MX2: variants seen among roughly 807,000 people sequenced by gnomAD.
MX2 encodes MX dynamin like GTPase 2, also known as interferon-induced GTP-binding protein Mx2.
A neutral mutation model predicts 74.0 loss-of-function variants in MX2; 51 were observed. The ratio of observed to expected loss-of-function variants is 0.69; its 90% confidence interval spans 0.55 to 0.87. MX2 has a LOEUF of 0.87. Ranked by LOEUF, MX2 falls within the 40% of genes least tolerant of loss-of-function variation. The pLI, the probability that MX2 is intolerant of heterozygous loss-of-function variation, is 0.00. For synonymous variants in MX2, 369 were observed against 339.3 expected (o/e 1.09, Z -0.96); for missense variants, 832 against 908.7 (o/e 0.92, Z 1.09).
intron 1 of MX2, among the ~76,000 whole-genome samples, chr21:41,375,567 G>A (rs886397978): frequency 2.0e-5 from 3 of 152,214 alleles, no homozygotes; most frequent in South Asian, 4.1e-4. Context: ...CTGCAGCACT[G>A]CAGTCTCTGC....
In MX2 at chr21:41,402,117, A is replaced by G. The variant is rs757891342; in HGVS notation, c.1562A>G (p.Gln521Arg). ...GTGGAGCCCGCCCTTAGCATGCTCC[A>G]GAAAGCCATGGGTGAGGACTTTCAA... The part of the protein sequence containing the change: ...QLVEPALSML[Q>R]KAMEIIQQAF... Residue 521 changes from glutamine (Q) to arginine (R), a missense_variant, in exon 11 of 14, where the codon CAG (glutamine) becomes CGG (arginine). Coordinates refer to ENST00000330714, the MANE Select transcript of MX2 (RefSeq NM_002463.2). The surrounding 1 kb of genome is among the most constrained non-coding windows in gnomAD (Gnocchi z 4.5). 1 of 1,613,510 alleles carries G rather than the reference A, an allele frequency of 6.2e-7. No individual in the cohort carries two copies. The highest frequency in any genetic ancestry group is 8.5e-7 in the Non-Finnish European group (1 of 1,179,792).
intron 1 of MX2, among the ~76,000 whole-genome samples, chr21:41,369,896 G>C (rs1265914636): frequency 7.0e-6 from 1 of 142,512 alleles, no homozygotes; most frequent in Non-Finnish European, 1.5e-5. Context: ...AGTCCCATCA[G>C]CAAAGTCGGG....
At chr21:41,377,218 A>AT in intron 2 of MX2, 63 bp downstream of exon 2, 1 of 1,590,254 alleles carries the variant, frequency 6.3e-7, no homozygotes. Flanking sequence ...GAGGGCTGTC[A>AT]TGTAAGCCCA....
intron 3 of MX2, among the ~76,000 whole-genome samples, chr21:41,378,806 C>CG (rs2089449126): frequency 4.6e-5 from 7 of 152,118 alleles, no homozygotes; most frequent in African/African-American, 1.2e-4. Flanking sequence ...TTCCAGAACC[C>CG]AAGAAGGAGC....
rs2089481889 is a variant in MX2 at position 41,380,937 on chromosome 21, G to T, written c.577+786G>T. Among the ~76,000 whole-genome samples the T allele has an allele frequency of 6.6e-6, 1 of 152,142 alleles. No homozygotes were observed. The highest frequency in any genetic ancestry group is 2.4e-5 in the African/African-American group (1 of 41,438). On this transcript the variant is annotated intron_variant, in intron 4 of 13. Coordinates refer to ENST00000330714, the MANE Select transcript of MX2 (RefSeq NM_002463.2). This position sits in a 1 kb window ranked among gnomAD's most constrained non-coding sequence, Gnocchi z 4.3. ...GATAGATGGAAAAACAATCCTGAAT[G>T]TACTAAGACTCCCTGCAGGGAGGAA...
rs200532501 is a variant in MX2, at chr21:41,406,854, T to G, written c.1761T>G (p.Val587=). 4.7e-4 allele frequency: 761 copies of G among 1,614,242 alleles called. 10 individuals are homozygous for G. The South Asian group carries it at 8.0e-3, about 17-fold the overall frequency. ...TTTGTCAAGATCAGATTTACAGTGT[T>G]GTTCTGAAGAAAGTCCGAGAAGAGA... ...MVFCQDQIYS[V]VLKKVREEIF... Residue 587 remains valine, a synonymous_variant, in exon 13 of 14, where the codon GTT becomes GTG. Coordinates refer to ENST00000330714, the MANE Select transcript of MX2 (RefSeq NM_002463.2).
intron 1 of MX2, among the ~76,000 whole-genome samples, chr21:41,375,140 C>T (rs2089383132): frequency 6.6e-6 from 1 of 152,220 alleles, no homozygotes; most frequent in African/African-American, 2.4e-5. Flanking sequence ...CTCCAGTGGG[C>T]ACCCAAGTTA....
chr21:41,395,519 C>T, intron 6 of MX2, 68 bp from the exon 7 acceptor site: 9 of 1,485,402 alleles, frequency 6.1e-6, no homozygotes, highest in Non-Finnish European at 7.5e-6. Flanking sequence ...GCCCATAGTC[C>T]AGTAGGAGTC....
At chr21:41,371,891 C>T (rs1448419795) in intron 1 of MX2, among the ~76,000 whole-genome samples, 1 of 152,100 alleles carries the variant, frequency 6.6e-6, no homozygotes, top group African/African-American at 2.4e-5. Flanking sequence ...GACCGCACGG[C>T]CAATAAAGCT....
chr21:41,386,237 A>C (rs563337560), intron 5 of MX2, among the ~76,000 whole-genome samples: 12,610 of 143,636 alleles, frequency 0.088, 586 homozygotes, highest in South Asian at 0.19. Flanking sequence ...AAAAAAAAAA[A>C]AAAAAAAAAA....
intron 6 of MX2, among the ~76,000 whole-genome samples, chr21:41,392,876 G>A (rs1405447594): frequency 3.3e-5 from 5 of 152,114 alleles, no homozygotes; most frequent in Admixed American, 2.0e-4. Context: ...GGGCCAAGGC[G>A]GGCGGATCAC....
chr21:41,379,871 A>G (rs2145890749), intron 3 of MX2, 146 bp from the exon 4 acceptor site: 2 of 1,008,528 alleles, frequency 2.0e-6, no homozygotes, highest in Non-Finnish European at 2.9e-6. Flanking sequence ...CTCAGTCCAG[A>G]CCCCCTCACC....
At chr21:41,374,549 G>A (rs2089373028) in intron 1 of MX2, among the ~76,000 whole-genome samples, 1 of 152,258 alleles carries the variant, frequency 6.6e-6, no homozygotes, top group Non-Finnish European at 1.5e-5. Context: ...CGAGCCACAT[G>A]GAAGCATGTC....
rs1231810764 is a variant in MX2, at chr21:41,382,439, G to A, written c.607G>A (p.Gly203Ser). ...AQNVMAGNGR[G>S]ISHELISLEI... Reference sequence around the variant, plus strand: ...GAACGTCATGGCCGGGAATGGCCGGGGCATCAGCCATGAGCTCATCAGCCT... The same window carrying A: ...GAACGTCATGGCCGGGAATGGCCGGAGCATCAGCCATGAGCTCATCAGCCT... Residue 203 changes from glycine to serine, a missense_variant, in exon 5 of 14, where the codon GGC becomes AGC. Coordinates refer to ENST00000330714, the MANE Select transcript of MX2 (RefSeq NM_002463.2). The A allele has an allele frequency of 6.2e-7, 1 of 1,614,096 alleles. No individual in the cohort carries two copies. The highest frequency in any genetic ancestry group is 1.3e-5 in the African/African-American group (1 of 74,992).
Position 41,380,405 on chromosome 21 carries a change from G to C in MX2, c.577+254G>C, listed in dbSNP as rs1026127907. Among the ~76,000 whole-genome samples the C allele has an allele frequency of 1.6e-4, 24 of 152,104 alleles. No homozygotes were observed. The highest frequency in any genetic ancestry group is 9.2e-4 in the Admixed American group (14 of 15,270). On this transcript the variant is annotated intron_variant, in intron 4 of 13. Coordinates refer to ENST00000330714, the MANE Select transcript of MX2 (RefSeq NM_002463.2). This position sits in a 1 kb window ranked among gnomAD's most constrained non-coding sequence, Gnocchi z 4.3. ...TTAGCAGCCTGCAGCCCACGTGGCTGGCCTTACCTGTCCTCTCCCGCTCCC... is the reference window on the plus strand; with the variant it reads ...TTAGCAGCCTGCAGCCCACGTGGCTCGCCTTACCTGTCCTCTCCCGCTCCC...
intron 6 of MX2, among the ~76,000 whole-genome samples, chr21:41,393,569 C>T (rs1392411839): frequency 6.6e-6 from 1 of 152,086 alleles, no homozygotes; most frequent in East Asian, 1.9e-4. Flanking sequence ...AGCTGGAAGT[C>T]ACATTCTTAG....
intron 12 of MX2, among the ~76,000 whole-genome samples, chr21:41,405,079 C>A (rs145603408): frequency 6.6e-6 from 1 of 151,696 alleles, no homozygotes; most frequent in Non-Finnish European, 1.5e-5. Flanking sequence ...GAGGCCGAGG[C>A]GGGCAGATCC....
At chr21:41,399,400 C>A in intron 10 of MX2, 63 bp downstream of exon 10, 1 of 1,531,534 alleles carries the variant, frequency 6.5e-7, no homozygotes, top group Non-Finnish European at 8.9e-7. Flanking sequence ...GAGGCTATGT[C>A]CAGCACATGA....
intron 6 of MX2, among the ~76,000 whole-genome samples, chr21:41,395,352 T>A (rs114282920): frequency 6.6e-6 from 1 of 152,166 alleles, no homozygotes; most frequent in Non-Finnish European, 1.5e-5. Context: ...CCACGAAATA[T>A]TTGTTAAGTC....
Sources: gnomAD v4.1 joint callset for allele counts (sites outside exome capture counted in the v4.1 genomes callset) on GRCh38, gnomAD v4.1.1 for gene constraint, Gnocchi (gnomAD v3.1) non-coding constraint, MANE v1.5 for transcripts, NCBI Gene and HGNC (gene_info 2026-07-23, HGNC 2026-07-21) for gene names.